Variants in GALE observed in about 807,000 individuals in gnomAD.
GALE encodes UDP-galactose-4-epimerase.
Under a neutral mutation model 44.1 loss-of-function variants are expected in GALE, and 32 were observed. The ratio of observed to expected loss-of-function variants is 0.73; its 90% confidence interval spans 0.55 to 0.97. The LOEUF (loss-of-function observed/expected upper bound fraction) is 0.97, where lower values mean the gene tolerates loss of function less well. Ranked by LOEUF, GALE falls within the 50% of genes least tolerant of loss-of-function variation. The probability of loss-of-function intolerance (pLI) is 0.00; values close to 1 mark genes in which losing one functional copy is unlikely to be tolerated. For synonymous variants in GALE, 182 were observed against 183.5 expected (o/e 0.99, Z 0.06); for missense variants, 423 against 455.6 (o/e 0.93, Z 0.65).
chr1:23,799,157 G>A (rs1350458285), intron 2 of GALE, 145 bp from the exon 3 acceptor site: 5 of 1,011,240 alleles, frequency 4.9e-6, no homozygotes, highest in Non-Finnish European at 7.6e-6. Flanking sequence ...TCAGCCCTGG[G>A]GCAAGTCTGG....
chr1:23,800,028 C>A (rs1033126898), intron 1 of GALE: 1 of 152,392 alleles, frequency 6.6e-6, no homozygotes, highest in Non-Finnish European at 1.5e-5. Flanking sequence ...GCGTGCCAGG[C>A]TCCGTACCAG....
Position 23,796,574 on chromosome 1 carries a change from C to T in GALE, c.808G>A (p.Gly270Ser). The T allele has an allele frequency of 6.2e-7, 1 of 1,614,124 alleles. No individual in the cohort carries two copies. Among genetic ancestry groups the T allele is most frequent in the Non-Finnish European group, 8.5e-7 (1 of 1,180,024 alleles). ...AGCACTGAATAGCCTGTGCCCGTGC[C>T]CAGGTTGTAGATCTGGCCCACGGAG... Reference protein sequence around the residue: ...EQCGCRIYNLGTGTGYSVLQM... With the variant: ...EQCGCRIYNLSTGTGYSVLQM... The change falls in exon 10 of 12, where the codon GGC becomes AGC. Residue 270 changes from glycine (G) to serine (S), a missense_variant. By Grantham distance (56) the Gly-to-Ser change is moderately conservative (BLOSUM62 0). Coordinates refer to ENST00000617979, the MANE Select transcript of GALE (RefSeq NM_001008216.2). This position sits in a 1 kb window ranked among gnomAD's most constrained non-coding sequence, Gnocchi z 5.2.
Position 23,796,760 on chromosome 1 carries a change from G to A in GALE, c.732C>T (p.Val244=), listed in dbSNP as rs1159955341. ...DGTGVRDYIH[V]VDLAKGHIAA... ...CAATGTGGCCCTTGGCCAGATCCAC[G>A]ACATGGATGTAATCCCGGACACCTG... The change falls in exon 9 of 12, where the codon GTC becomes GTT. Residue 244 remains valine, a synonymous_variant. Transcript: ENST00000617979. The surrounding 1 kb of genome is among the most constrained non-coding windows in gnomAD (Gnocchi z 5.2). 12 of 1,611,680 alleles carry A rather than the reference G, an allele frequency of 7.4e-6. No individual in the cohort carries two copies. Among genetic ancestry groups the A allele is most frequent in the Non-Finnish European group, 3.4e-6 (4 of 1,178,908 alleles).
chr1:23,796,682 C>T lies in GALE; in HGVS notation c.795+15G>A. On this transcript the variant is annotated intron_variant, in intron 9 of 11. Coordinates refer to ENST00000617979, the MANE Select transcript of GALE (RefSeq NM_001008216.2). The surrounding 1 kb of genome is among the most constrained non-coding windows in gnomAD (Gnocchi z 5.2). ...CTGGTCCCTCCCCTCCCTCACTTCT[C>T]CCTTCTCTTCCTACCCGGCAGCCAC... 1.9e-6 allele frequency: 3 copies of T among 1,613,628 alleles called. No homozygotes were observed. Among genetic ancestry groups the T allele is most frequent in the Non-Finnish European group, 1.7e-6 (2 of 1,179,782 alleles).
rs766676772 is a variant in GALE, at chr1:23,798,918, C to T, written c.90G>A (p.Val30=). 3.1e-6 allele frequency: 5 copies of T among 1,614,198 alleles called. No homozygotes were observed. Among genetic ancestry groups the T allele is most frequent in the Non-Finnish European group, 4.2e-6 (5 of 1,180,048 alleles). Residue 30 remains valine (V), a synonymous_variant, in exon 3 of 12, where the codon GTG becomes GTA. Transcript: ENST00000617979. This position sits in a 1 kb window ranked among gnomAD's most constrained non-coding sequence, Gnocchi z 4.5. ...LELLEAGYLP[V]VIDNFHNAFR... ...AGGCATTATGGAAGTTATCGATGACCACAGGCAAGTAGCCAGCCTCCAGCA... is the reference window on the plus strand; with the variant it reads ...AGGCATTATGGAAGTTATCGATGACTACAGGCAAGTAGCCAGCCTCCAGCA...
rs772953121 is a variant in GALE, at chr1:23,798,896, CA to C, written c.111del (p.Asn37LysfsTer19). ...YLPVVIDNFH[N>X]AFRGGGSLPE... is the part of the protein sequence containing the mutation. ...CCACTGCCCCGCTCACCACGGAAGG[CA>C]TTATGGAAGTTATCGATGACCACAG... On this transcript the variant is annotated frameshift_variant, in exon 3 of 12. Coordinates refer to ENST00000617979, the MANE Select transcript of GALE (RefSeq NM_001008216.2). LOFTEE classifies it high-confidence loss of function. The surrounding 1 kb of genome is among the most constrained non-coding windows in gnomAD (Gnocchi z 4.5). 1 of 1,614,224 alleles carries C rather than the reference CA, an allele frequency of 6.2e-7. No homozygotes were observed. Among genetic ancestry groups the C allele is most frequent in the South Asian group, 1.1e-5 (1 of 91,086 alleles).
Position 23,798,552 on chromosome 1 carries a change from C to T in GALE, c.237+63G>A, listed in dbSNP as rs761874807. 4.4e-4 allele frequency: 518 copies of T among 1,182,946 alleles called. No individual in the cohort carries two copies. The highest frequency in any genetic ancestry group is 5.4e-4 in the Non-Finnish European group (427 of 792,394). 73.3% of individuals were successfully genotyped at this position (1,182,946 alleles called of 1,614,324 possible). On this transcript the variant is annotated intron_variant, in intron 4 of 11. Coordinates refer to ENST00000617979, the MANE Select transcript of GALE (RefSeq NM_001008216.2). The surrounding 1 kb of genome is among the most constrained non-coding windows in gnomAD (Gnocchi z 4.5). ...AACACCTGGGCTCAAGTGATCTCCTCACCTCGGCCTTCCAAAGTGCTGGAA... is the reference window on the plus strand; with the variant it reads ...AACACCTGGGCTCAAGTGATCTCCTTACCTCGGCCTTCCAAAGTGCTGGAA...
chr1:23,799,391 G>C lies in GALE; in HGVS notation c.-31C>G. On this transcript the variant is annotated 5_prime_UTR_variant, in exon 2 of 12. Transcript: ENST00000617979. The stretch of plus-strand genomic sequence containing the variant: ...CTTGGAGTTGGAAAAGATGGAATCT[G>C]AGGATCCACACTTCTTTGTCCAAGG... 5.9e-6 allele frequency: 2 copies of C among 338,008 alleles called. No homozygotes were observed. The highest frequency in any genetic ancestry group is 1.2e-5 in the Non-Finnish European group (2 of 172,910). The allele number at this position is 338,008 out of a possible 1,614,324, so 20.9% of individuals were successfully genotyped here.
chr1:23,796,466 G>A lies in GALE; in HGVS notation c.873+43C>T, dbSNP rs771526961. 4 of 1,593,890 alleles carry A rather than the reference G, an allele frequency of 2.5e-6. No homozygotes were observed. Among genetic ancestry groups the A allele is most frequent in the Non-Finnish European group, 3.4e-6 (4 of 1,165,586 alleles). On this transcript the variant is annotated intron_variant, in intron 10 of 11. Transcript: ENST00000617979. This position sits in a 1 kb window ranked among gnomAD's most constrained non-coding sequence, Gnocchi z 5.2. ...AAAGCTGCTCTGTTGCTGAGAGCTG[G>A]GTGGGGTGAGGTGGGTGAGGTGGGT...
chr1:23,796,511 T>G lies in GALE; in HGVS notation c.871A>C (p.Lys291Gln). The change falls in exon 10 of 12, where the codon AAG (lysine) becomes CAG (glutamine). Residue 291 changes from lysine to glutamine, a missense_variant and splice_region_variant. Physicochemically the swap from Lys to Gln is moderately conservative, Grantham distance 53. Coordinates refer to ENST00000617979, the MANE Select transcript of GALE (RefSeq NM_001008216.2). This position sits in a 1 kb window ranked among gnomAD's most constrained non-coding sequence, Gnocchi z 5.2. ...VQAMEKASGK[K>Q]IPYKVVARRE... ...GTGGGTGGGGCGGGGGGGCCTACCT[T>G]CTTCCCAGAGGCCTTCTCCATAGCC... The G allele has an allele frequency of 6.2e-7, 1 of 1,612,406 alleles. No homozygotes were observed. The highest frequency in any genetic ancestry group is 8.5e-7 in the Non-Finnish European group (1 of 1,179,898).
In GALE at chr1:23,796,172, C is replaced by T; in HGVS notation, c.967G>A (p.Ala323Thr). Residue 323 changes from alanine to threonine, a missense_variant, in exon 11 of 12, where the codon GCC becomes ACC. By Grantham distance (58) the Ala-to-Thr change is moderately conservative (BLOSUM62 0). Transcript: ENST00000617979. This position sits in a 1 kb window ranked among gnomAD's most constrained non-coding sequence, Gnocchi z 5.2. Reference sequence around the variant, plus strand: ...TCACACATCCTGTCCAGCCCTAAGGCTGCTGTCCACCCCAGCTCCTCTTGG... The same window carrying T: ...TCACACATCCTGTCCAGCCCTAAGGTTGCTGTCCACCCCAGCTCCTCTTGG... ...LAQEELGWTA[A>T]LGLDRMCEDL... 6.2e-7 allele frequency: 1 copy of T among 1,614,050 alleles called. No homozygotes were observed. Among genetic ancestry groups the T allele is most frequent in the Non-Finnish European group, 8.5e-7 (1 of 1,179,936 alleles).
In GALE at chr1:23,798,789, T is replaced by C. The variant is rs1639044855; in HGVS notation, c.122-59A>G. 2.5e-6 allele frequency: 4 copies of C among 1,609,636 alleles called. No individual in the cohort carries two copies. Among genetic ancestry groups the C allele is most frequent in the Non-Finnish European group, 3.4e-6 (4 of 1,175,856 alleles). On this transcript the variant is annotated intron_variant, in intron 3 of 11. Transcript: ENST00000617979. The surrounding 1 kb of genome is among the most constrained non-coding windows in gnomAD (Gnocchi z 4.5). ...CATGGGGTGCTGTGTTCCCAGGGAC[T>C]AGCCAGACACACATTCCCCGCCCGG...
Position 23,798,311 on chromosome 1 carries a change from C to G in GALE, c.238-81G>C. On this transcript the variant is annotated intron_variant, in intron 4 of 11. Transcript: ENST00000617979. This position sits in a 1 kb window ranked among gnomAD's most constrained non-coding sequence, Gnocchi z 4.5. ...CCTCAGCCTGCCTGCCTGCACTCAC[C>G]TTTTTTTTTTTTTTTGACAGTCTCG... 1 of 792,518 alleles carries G rather than the reference C, an allele frequency of 1.3e-6. No individual in the cohort carries two copies. Among genetic ancestry groups the G allele is most frequent in the Non-Finnish European group, 2.1e-6 (1 of 487,794 alleles). 49.1% of individuals were successfully genotyped at this position (792,518 alleles called of 1,614,324 possible).
chr1:23,795,939 G>T lies in GALE; in HGVS notation c.*10C>A. On this transcript the variant is annotated 3_prime_UTR_variant, in exon 12 of 12. Coordinates refer to ENST00000617979, the MANE Select transcript of GALE (RefSeq NM_001008216.2). Reference sequence around the variant, plus strand: ...TGCTGCTTTTCCTGGTCCTTGGTAGGGGAGGGTCCTCAGGCTTGCGTGCCA... The same window carrying T: ...TGCTGCTTTTCCTGGTCCTTGGTAGTGGAGGGTCCTCAGGCTTGCGTGCCA... 1 of 1,613,088 alleles carries T rather than the reference G, an allele frequency of 6.2e-7. No individual in the cohort carries two copies. The highest frequency in any genetic ancestry group is 8.5e-7 in the Non-Finnish European group (1 of 1,179,390).
rs778504401 is a variant in GALE, at chr1:23,795,900, G to A, written c.*49C>T. 3.8e-6 allele frequency: 6 copies of A among 1,573,150 alleles called. No individual in the cohort carries two copies. The African/African-American group carries it at 4.1e-5, about 11-fold the overall frequency. ...GGGCCCTGAGTTCCTGCCAGAGGCT[G>A]GAGAGCAGGCAGCTGCTGCTTTTCC... On this transcript the variant is annotated 3_prime_UTR_variant, in exon 12 of 12. Transcript: ENST00000617979.
At position 23,797,721 on chromosome 1, in the gene GALE, T is replaced by C. The variant is rs1208659635; in HGVS notation, c.502A>G (p.Ile168Val). Residue 168 changes from isoleucine (I) to valine (V), a missense_variant, in exon 6 of 12, where the codon ATC becomes GTC. Coordinates refer to ENST00000617979, the MANE Select transcript of GALE (RefSeq NM_001008216.2). ...TTGTCTGCCTGGCACAGGTCCCGGA[T>C]CATTTCCTCGATGAAGAACTTGGAC... ...GKSKFFIEEMIRDLCQADKTW... is the reference protein window; with the variant it reads ...GKSKFFIEEMVRDLCQADKTW... The C allele has an allele frequency of 6.2e-7, 1 of 1,614,038 alleles. No homozygotes were observed. Among genetic ancestry groups the C allele is most frequent in the Admixed American group, 1.7e-5 (1 of 60,022 alleles).
chr1:23,797,646 A>G, intron 6 of GALE, 49 bp downstream of exon 6: 1 of 1,576,168 alleles, frequency 6.3e-7, no homozygotes, highest in Non-Finnish European at 8.7e-7. Context: ...GTGGGCCCTG[A>G]GGAGTCCATC....
Position 23,797,781 on chromosome 1 carries a change from G to A in GALE, c.442C>T (p.His148Tyr). ...NPQYLPLDEA[H>Y]PTGGCTNPYG... ...GGGTTGGTACAACCACCCGTGGGGT[G>A]GGCCTCATCAAGGGGCAGGTACTGG... The change falls in exon 6 of 12, where the codon CAC becomes TAC. Residue 148 changes from histidine to tyrosine, a missense_variant. Physicochemically the swap from His to Tyr is moderately conservative, Grantham distance 83. Transcript: ENST00000617979. 6.2e-7 allele frequency: 1 copy of A among 1,614,116 alleles called. No homozygotes were observed. Among genetic ancestry groups the A allele is most frequent in the African/African-American group, 1.3e-5 (1 of 75,034 alleles).
Position 23,797,125 on chromosome 1 carries a change from C to T in GALE, c.551G>A (p.Arg184His), listed in dbSNP as rs140515600. 5.0e-6 allele frequency: 8 copies of T among 1,611,140 alleles called. No homozygotes were observed. Among genetic ancestry groups the T allele is most frequent in the African/African-American group, 2.7e-5 (2 of 75,034 alleles). ...ATGGGCACCTGTGGGGTTGAAATAG[C>T]GCAGCAGCACTGCGTTCCAAGTCTG... is the stretch of plus-strand genomic sequence containing the variant. ...ADKTWNAVLL[R>H]YFNPTGAHAS... is the part of the protein sequence containing the mutation. Residue 184 changes from arginine (R) to histidine (H), a missense_variant, in exon 7 of 12, where the codon CGC becomes CAC. Physicochemically the swap from Arg to His is conservative, Grantham distance 29. Coordinates refer to ENST00000617979, the MANE Select transcript of GALE (RefSeq NM_001008216.2).
Sources: gnomAD v4.1 joint callset for allele counts on GRCh38, gnomAD v4.1.1 for gene constraint, Gnocchi (gnomAD v3.1) non-coding constraint, MANE v1.5 for transcripts, NCBI Gene and HGNC (gene_info 2026-07-23, HGNC 2026-07-21) for gene names.